Variants in SNTG1 observed in about 807,000 individuals in gnomAD.
The protein encoded by SNTG1 is gamma-1-syntrophin.
SNTG1 carries 39 observed loss-of-function variants against 74.7 expected under a neutral mutation model. The observed-to-expected ratio is 0.52, with a 90% CI of 0.40 to 0.68. SNTG1 has a LOEUF of 0.68. Ranked by LOEUF, SNTG1 falls within the 30% of genes least tolerant of loss-of-function variation. SNTG1 has a pLI of 0.00. For missense variants in SNTG1, 685 were observed against 609.5 expected, an observed-to-expected ratio of 1.12 and a Z score of -1.30; for synonymous variants, 254 against 217.1, an observed-to-expected ratio of 1.17 and a Z score of -1.49.
At chr8:50,034,944 C>T (rs1253643748) in intron 1 of SNTG1, among the ~76,000 whole-genome samples, 1 of 152,278 alleles carries the variant, frequency 6.6e-6, no homozygotes, top group East Asian at 1.9e-4. Context: ...GCCTAGCACT[C>T]CTCAACCCAA....
intron 12 of SNTG1, among the ~76,000 whole-genome samples, chr8:50,585,009 C>G (rs1314259717): frequency 6.6e-6 from 1 of 152,094 alleles, no homozygotes; most frequent in Admixed American, 6.6e-5. Flanking sequence ...GAAGAAGGGG[C>G]AGGCATTGGC....
chr8:50,446,781 G>T (rs144392597), intron 5 of SNTG1, among the ~76,000 whole-genome samples: 2 of 152,128 alleles, frequency 1.3e-5, no homozygotes, highest in Non-Finnish European at 2.9e-5. Flanking sequence ...GGTAAAATAA[G>T]TGTTACATTT....
At chr8:50,006,762 C>T (rs969920830) in intron 1 of SNTG1, among the ~76,000 whole-genome samples, 2 of 152,092 alleles carry the variant, frequency 1.3e-5, no homozygotes, top group Admixed American at 1.3e-4. Context: ...TTGCTGGTGC[C>T]ACTAATTAGG....
chr8:50,719,002 A>G (rs2095481350), intron 17 of SNTG1, among the ~76,000 whole-genome samples: 1 of 152,204 alleles, frequency 6.6e-6, no homozygotes, highest in South Asian at 2.1e-4. Flanking sequence ...TAGAATGTTT[A>G]CTATCCATTG....
At chr8:50,327,732 A>G (rs2090808308) in intron 2 of SNTG1, among the ~76,000 whole-genome samples, 1 of 151,590 alleles carries the variant, frequency 6.6e-6, no homozygotes, top group South Asian at 2.1e-4. Context: ...TCTTTGTTTC[A>G]TTTTTGTCTT....
At chr8:50,752,783 T>C (rs952219469) in intron 18 of SNTG1, among the ~76,000 whole-genome samples, 5 of 151,990 alleles carry the variant, frequency 3.3e-5, no homozygotes, top group African/African-American at 1.2e-4. Context: ...CCCTTGATGA[T>C]ATTTTTGGCA....
At chr8:50,207,552 G>C (rs1048916858) in intron 2 of SNTG1, among the ~76,000 whole-genome samples, 1 of 151,746 alleles carries the variant, frequency 6.6e-6, no homozygotes, top group African/African-American at 2.4e-5. Context: ...GGGTTTTTTT[G>C]TGTCTCTATC....
chr8:49,914,321 T>C (rs923463807), intron 1 of SNTG1, among the ~76,000 whole-genome samples: 1 of 150,984 alleles, frequency 6.6e-6, no homozygotes, highest in African/African-American at 2.4e-5. Context: ...AAAGGATGCA[T>C]GAGGTCTTGG....
At chr8:50,031,112 C>T (rs897140155) in intron 1 of SNTG1, among the ~76,000 whole-genome samples, 6 of 151,904 alleles carry the variant, frequency 3.9e-5, no homozygotes, top group African/African-American at 1.4e-4. Flanking sequence ...TAAATTTCTA[C>T]TTCCATGTGC....
intron 15 of SNTG1, among the ~76,000 whole-genome samples, chr8:50,681,884 T>A (rs1208477322): frequency 6.6e-6 from 1 of 152,164 alleles, no homozygotes; most frequent in Non-Finnish European, 1.5e-5. Flanking sequence ...CAACACAACA[T>A]GTCCTCTGAC....
At chr8:49,999,702 C>T (rs1814572138) in intron 1 of SNTG1, among the ~76,000 whole-genome samples, 2 of 152,168 alleles carry the variant, frequency 1.3e-5, no homozygotes, top group African/African-American at 4.8e-5. Flanking sequence ...ATGTCACCTT[C>T]ACTGCCAGGG....
chr8:50,488,894 A>G (rs1404315526), intron 8 of SNTG1, among the ~76,000 whole-genome samples: 1 of 152,078 alleles, frequency 6.6e-6, no homozygotes, highest in Non-Finnish European at 1.5e-5. Flanking sequence ...CATCATCTAC[A>G]TTAGGTATTT....
chr8:50,417,835 C>T (rs2093033569), intron 4 of SNTG1, among the ~76,000 whole-genome samples: 1 of 152,108 alleles, frequency 6.6e-6, no homozygotes, highest in Non-Finnish European at 1.5e-5. Context: ...TCCATTACCA[C>T]AGATGATCTG....
At chr8:50,311,919 A>C (rs889560402) in intron 2 of SNTG1, among the ~76,000 whole-genome samples, 1 of 152,172 alleles carries the variant, frequency 6.6e-6, no homozygotes, top group African/African-American at 2.4e-5. Flanking sequence ...ATATTTGTGC[A>C]TTGTCTGTTC....
At chr8:50,004,021 G>A (rs997535412) in intron 1 of SNTG1, among the ~76,000 whole-genome samples, 2 of 152,142 alleles carry the variant, frequency 1.3e-5, no homozygotes, top group African/African-American at 2.4e-5. Context: ...GACTTGCAAA[G>A]GGTGCAGAGT....
At chr8:50,478,066 C>T (rs2093710803) in intron 8 of SNTG1, among the ~76,000 whole-genome samples, 1 of 152,074 alleles carries the variant, frequency 6.6e-6, no homozygotes, top group Non-Finnish European at 1.5e-5. Context: ...TCCTCCTCTC[C>T]TATAGATTTT....
At chr8:50,353,034 A>C (rs2091711921) in intron 2 of SNTG1, among the ~76,000 whole-genome samples, 1 of 152,188 alleles carries the variant, frequency 6.6e-6, no homozygotes, top group Admixed American at 6.5e-5. Flanking sequence ...GACTGGATTA[A>C]GAAAATGTGG....
At chr8:49,956,051 G>C (rs528800096) in intron 1 of SNTG1, among the ~76,000 whole-genome samples, 1 of 152,180 alleles carries the variant, frequency 6.6e-6, no homozygotes, top group African/African-American at 2.4e-5. Flanking sequence ...GCTGATCAAA[G>C]AAGTCTCCTG....
chr8:50,294,478 G>C (rs1483560474), intron 2 of SNTG1, among the ~76,000 whole-genome samples: 1 of 152,164 alleles, frequency 6.6e-6, no homozygotes, highest in Non-Finnish European at 1.5e-5. Context: ...TGCAGTTGAA[G>C]TTCAAAGACC....
Sources: gnomAD v4.1 joint callset for allele counts (sites outside exome capture counted in the v4.1 genomes callset) on GRCh38, gnomAD v4.1.1 for gene constraint, MANE v1.5 for transcripts, NCBI Gene and HGNC (gene_info 2026-07-23, HGNC 2026-07-21) for gene names.